ABCB10: variants seen among roughly 807,000 people sequenced by gnomAD.
ABCB10 encodes the protein ATP binding cassette subfamily B member 10, also known as ATP-binding cassette sub-family B member 10, mitochondrial.
A neutral mutation model predicts 65.4 loss-of-function variants in ABCB10; 54 were observed. That is an observed-to-expected ratio of 0.83 (90% CI 0.66 to 1.04). The LOEUF is 1.04. Ranked by LOEUF, ABCB10 falls within the 50% of genes least tolerant of loss-of-function variation. The pLI is 0.00. For missense variants in ABCB10, 846 were observed against 976.6 expected, an observed-to-expected ratio of 0.87 and a Z score of 1.78; for synonymous variants, 418 against 406.5, an observed-to-expected ratio of 1.03 and a Z score of -0.34.
chr1:229,521,404 A>C (rs1264054602), intron 11 of ABCB10, among the ~76,000 whole-genome samples, 188 bp downstream of exon 11: 1 of 151,994 alleles, frequency 6.6e-6, no homozygotes, highest in Admixed American at 6.6e-5. Context: ...CCTAAGAAAT[A>C]CTTGTTAAAT....
intron 9 of ABCB10, 32 bp downstream of exon 9, chr1:229,527,197 A>T: frequency 5.1e-6 from 8 of 1,565,846 alleles, no homozygotes; most frequent in Non-Finnish European, 6.9e-6. Context: ...TTTAAAAGAA[A>T]GTGAAATAGA....
chr1:229,545,684 C>T (rs939857473), intron 3 of ABCB10, among the ~76,000 whole-genome samples: 6 of 152,040 alleles, frequency 3.9e-5, no homozygotes, highest in Non-Finnish European at 8.8e-5. Flanking sequence ...ATTTAGCATC[C>T]GAATTAAGAT....
intron 6 of ABCB10, among the ~76,000 whole-genome samples, chr1:229,533,175 T>C (rs1662626462): frequency 6.6e-6 from 1 of 152,072 alleles, no homozygotes; most frequent in Admixed American, 6.6e-5. Flanking sequence ...GGAGTCTTGC[T>C]CTGCTGTGGT....
At chr1:229,533,764 C>T (rs760420986) in intron 6 of ABCB10, among the ~76,000 whole-genome samples, 8 of 152,178 alleles carry the variant, frequency 5.3e-5, no homozygotes, top group Non-Finnish European at 1.0e-4. Context: ...ACAGACCTTA[C>T]ACCTTTCCCA....
Position 229,516,841 on chromosome 1 carries a change from A to G in ABCB10, c.*1338T>C, listed in dbSNP as rs1386008288. ...TGTTTACTAATTCAAAGAACACTAT[A>G]TTCATTCATATCAATTTTATTCATT... On this transcript the variant is annotated 3_prime_UTR_variant, in exon 13 of 13. Transcript: ENST00000344517. 6.6e-6 allele frequency: 1 copy of G among 152,208 alleles called. No homozygotes were observed. Among genetic ancestry groups the G allele is most frequent in the African/African-American group, 2.4e-5 (1 of 41,454 alleles). 9.4% of individuals were successfully genotyped at this position (152,208 alleles called of 1,614,324 possible). A position where few individuals can be genotyped will look rare whatever the true frequency, so the allele number is the denominator to read the frequency against.
At chr1:229,528,770 C>A (rs1662501187) in intron 8 of ABCB10, among the ~76,000 whole-genome samples, 1 of 151,868 alleles carries the variant, frequency 6.6e-6, no homozygotes, top group Non-Finnish European at 1.5e-5. Flanking sequence ...TCAAGTGATC[C>A]TCCCACCTCA....
rs1274801661 is a variant in ABCB10 at position 229,518,075 on chromosome 1, C to T, written c.*104G>A. 7 of 824,798 alleles carry T rather than the reference C, an allele frequency of 8.5e-6. No homozygotes were observed. Among genetic ancestry groups the T allele is most frequent in the Non-Finnish European group, 1.3e-5 (7 of 521,712 alleles). The allele number at this position is 824,798 out of a possible 1,614,324, so 51.1% of individuals were successfully genotyped here. A position where few individuals can be genotyped will look rare whatever the true frequency, so the allele number is the denominator to read the frequency against. On this transcript the variant is annotated 3_prime_UTR_variant, in exon 13 of 13. Transcript: ENST00000344517. ...ACTTTGGAAAAAAATAGGTATTTTT[C>T]AAATAACTTGATATATGGTTTATGT...
chr1:229,526,736 A>G (rs965139555), intron 9 of ABCB10, among the ~76,000 whole-genome samples: 1 of 152,222 alleles, frequency 6.6e-6, no homozygotes, highest in African/African-American at 2.4e-5. Flanking sequence ...CCCTGCCCCA[A>G]AGGGTCTTGT....
intron 9 of ABCB10, 62 bp from the exon 10 acceptor site, chr1:229,526,178 T>C: frequency 6.8e-7 from 1 of 1,479,854 alleles, no homozygotes; most frequent in Non-Finnish European, 9.2e-7. Flanking sequence ...GTCTAATAAA[T>C]TTAGACCTAG....
At chr1:229,527,087 C>A in intron 9 of ABCB10, 142 bp downstream of exon 9, 3 of 735,730 alleles carry the variant, frequency 4.1e-6, no homozygotes, top group South Asian at 1.9e-5. Flanking sequence ...CCTAAACAAC[C>A]TGCCATGTGA....
At chr1:229,554,929 A>G (rs924410461) in intron 1 of ABCB10, among the ~76,000 whole-genome samples, 1 of 152,130 alleles carries the variant, frequency 6.6e-6, no homozygotes, top group Non-Finnish European at 1.5e-5. Context: ...AAATGCAACT[A>G]CAAACTCAGC....
chr1:229,539,390 T>C lies in ABCB10; in HGVS notation c.1339+66A>G, dbSNP rs79981657. On this transcript the variant is annotated intron_variant, in intron 6 of 12. Coordinates refer to ENST00000344517, the MANE Select transcript of ABCB10 (RefSeq NM_012089.3). ...AATTGAAGTAATGTGAAAGTTCAGT[T>C]TCTCTTTCAGAAATGATGCTCTGAT... 6,282 of 1,578,834 alleles carry C rather than the reference T, an allele frequency of 4.0e-3. 215 individuals are homozygous for C. The African/African-American group carries it at 0.075, about 19-fold the overall frequency.
chr1:229,519,845 G>A (rs190964875), intron 11 of ABCB10, among the ~76,000 whole-genome samples: 1 of 151,624 alleles, frequency 6.6e-6, no homozygotes, highest in East Asian at 1.9e-4. Context: ...AATGAGTAAG[G>A]CTGAGTACGG....
At chr1:229,529,186 G>A (rs1049961680) in intron 8 of ABCB10, among the ~76,000 whole-genome samples, 7 of 149,296 alleles carry the variant, frequency 4.7e-5, no homozygotes, top group Admixed American at 3.4e-4. Context: ...CCAGCTACTC[G>A]GGAGGCTGAG....
intron 8 of ABCB10, among the ~76,000 whole-genome samples, chr1:229,527,513 C>A (rs1253618377): frequency 1.3e-5 from 2 of 152,158 alleles, no homozygotes; most frequent in African/African-American, 4.8e-5. Context: ...TTATTGTCTC[C>A]CGATAGTAGC....
intron 9 of ABCB10, 128 bp from the exon 10 acceptor site, chr1:229,526,244 C>T: frequency 2.1e-6 from 2 of 963,138 alleles, no homozygotes; most frequent in Non-Finnish European, 3.0e-6. Context: ...ATCTGTAGTT[C>T]TCACCATGCT....
intron 10 of ABCB10, among the ~76,000 whole-genome samples, chr1:229,523,492 C>G (rs891100456): frequency 6.6e-6 from 1 of 152,130 alleles, no homozygotes; most frequent in African/African-American, 2.4e-5. Context: ...AAATGCTGCT[C>G]TAAACAGGAA....
intron 10 of ABCB10, among the ~76,000 whole-genome samples, chr1:229,525,524 A>T (rs1359015032): frequency 6.6e-6 from 1 of 152,180 alleles, no homozygotes; most frequent in Non-Finnish European, 1.5e-5. Flanking sequence ...ATGAAAACCT[A>T]ATTAGAAAAT....
rs1389746889 is a variant in ABCB10 at position 229,542,532 on chromosome 1, GT to G, written c.922-162del. 2.6e-5 allele frequency among the ~76,000 whole-genome samples: 4 copies of G among 151,690 alleles called. No homozygotes were observed. In the East Asian group the frequency reaches 7.7e-4, roughly 29 times the overall value. On this transcript the variant is annotated intron_variant, in intron 3 of 12. Coordinates refer to ENST00000344517, the MANE Select transcript of ABCB10 (RefSeq NM_012089.3). ...TACTGTCCCCAAGTTGTTACATCCT[GT>G]TTTGATGGAATTTTTCAGACATCTT...
Sources: allele counts gnomAD v4.1 joint callset (sites outside exome capture counted in the v4.1 genomes callset), GRCh38; gene constraint gnomAD v4.1.1; transcripts MANE v1.5; gene names NCBI Gene and HGNC (gene_info 2026-07-23, HGNC 2026-07-21).